Variants in RIMBP2 observed in about 807,000 individuals in gnomAD.
RIMBP2 encodes the protein RIMS-binding protein 2.
RIMBP2 carries 48 observed loss-of-function variants against 118.6 expected under a neutral mutation model. The observed-to-expected ratio is 0.40, with a 90% CI of 0.32 to 0.51. RIMBP2 has a LOEUF of 0.51. Ranked by LOEUF, RIMBP2 falls within the 20% of genes least tolerant of loss-of-function variation. The probability of loss-of-function intolerance (pLI) is 0.41; values close to 1 mark genes in which losing one functional copy is unlikely to be tolerated. For missense variants in RIMBP2, 1,551 were observed against 1,768.3 expected (o/e 0.88, Z 2.20); for synonymous variants, 762 against 742.9 (o/e 1.03, Z -0.42).
intron 2 of RIMBP2, among the ~76,000 whole-genome samples, chr12:130,519,194 G>C (rs2051807459): frequency 6.6e-6 from 1 of 152,184 alleles, no homozygotes; most frequent in Admixed American, 6.5e-5. Context: ...CAGAGTCTAG[G>C]CTCCATTCAC....
chr12:130,526,816 C>A (rs1458682309), intron 2 of RIMBP2, among the ~76,000 whole-genome samples: 1 of 152,058 alleles, frequency 6.6e-6, no homozygotes, highest in Non-Finnish European at 1.5e-5. Flanking sequence ...TAATCTAAGT[C>A]AACACTGGAG....
In RIMBP2 at chr12:130,446,017, G is replaced by GC. The variant is rs1169239476; in HGVS notation, c.582-749dup. Among the ~76,000 whole-genome samples the GC allele has an allele frequency of 2.4e-4, 9 of 37,680 alleles. No individual in the cohort carries two copies. The highest frequency in any genetic ancestry group is 5.1e-4 in the Admixed American group (2 of 3,954). 24.7% of individuals were successfully genotyped at this position (37,680 alleles called of 152,430 possible). A position where few individuals can be genotyped will look rare whatever the true frequency, so the allele number is the denominator to read the frequency against. Reference sequence around the variant, plus strand: ...CAGAAAAACAGACGCATGATTTTATGCTCCCCCCCCCCACACCCCCAGGAA... The same window carrying GC: ...CAGAAAAACAGACGCATGATTTTATGCCTCCCCCCCCCCACACCCCCAGGAA... On this transcript the variant is annotated intron_variant, in intron 9 of 22. Coordinates refer to ENST00000690449, the MANE Select transcript of RIMBP2 (RefSeq NM_001393629.1). The surrounding 1 kb of genome is among the most constrained non-coding windows in gnomAD (Gnocchi z 4.1).
chr12:130,520,281 G>A (rs1040452551), intron 2 of RIMBP2, among the ~76,000 whole-genome samples: 1 of 152,140 alleles, frequency 6.6e-6, no homozygotes, highest in African/African-American at 2.4e-5. Context: ...ACCAACCCAT[G>A]ATATCCCAAT....
At chr12:130,535,525 A>T (rs1049332187) in intron 2 of RIMBP2, among the ~76,000 whole-genome samples, 2 of 151,702 alleles carry the variant, frequency 1.3e-5, no homozygotes, top group African/African-American at 4.8e-5. Context: ...CTCTAAAAAT[A>T]ATAATATTAA....
intron 1 of RIMBP2, among the ~76,000 whole-genome samples, chr12:130,648,192 G>A (rs960641706): frequency 6.9e-6 from 1 of 145,896 alleles, no homozygotes; most frequent in African/African-American, 2.5e-5. Flanking sequence ...ATGAAAAAAT[G>A]TTTCTCACAG....
At chr12:130,568,312 TGCTTCA>T (rs1301305907) in intron 2 of RIMBP2, among the ~76,000 whole-genome samples, 1 of 152,208 alleles carries the variant, frequency 6.6e-6, no homozygotes, top group African/African-American at 2.4e-5. Context: ...GTTTCTCATG[TGCTTCA>T]GCTCCCCAGA....
intron 1 of RIMBP2, among the ~76,000 whole-genome samples, chr12:130,706,766 C>T (rs185408092): frequency 1.3e-5 from 2 of 152,288 alleles, no homozygotes; most frequent in East Asian, 1.9e-4. Flanking sequence ...TCAATGAGGC[C>T]GGCTCTTGTT....
At chr12:130,531,478 C>T (rs746202407) in intron 2 of RIMBP2, among the ~76,000 whole-genome samples, 11 of 152,140 alleles carry the variant, frequency 7.2e-5, no homozygotes, top group South Asian at 2.1e-4. Context: ...TTATCTAGGA[C>T]GCACCCACAT....
intron 2 of RIMBP2, among the ~76,000 whole-genome samples, chr12:130,546,826 T>C (rs998509888): frequency 1.3e-5 from 2 of 152,194 alleles, no homozygotes. Context: ...TCAAAACAAT[T>C]TACATGGAAA....
intron 1 of RIMBP2, among the ~76,000 whole-genome samples, chr12:130,632,578 G>T (rs1305354012): frequency 6.6e-6 from 1 of 152,090 alleles, no homozygotes; most frequent in Non-Finnish European, 1.5e-5. Flanking sequence ...TTTGCTCTGG[G>T]GCCCCTCCTG....
intron 21 of RIMBP2, among the ~76,000 whole-genome samples, chr12:130,405,961 AG>A (rs1300321762): frequency 6.6e-6 from 1 of 152,220 alleles, no homozygotes; most frequent in Non-Finnish European, 1.5e-5. Flanking sequence ...AGTATTAGCA[AG>A]GAAGAAACAA....
intron 4 of RIMBP2, among the ~76,000 whole-genome samples, chr12:130,480,958 T>A (rs1317904024): frequency 1.3e-5 from 2 of 152,222 alleles, no homozygotes; most frequent in Non-Finnish European, 2.9e-5. Flanking sequence ...CCTTCGCAAG[T>A]CATGAGGTCG....
intron 2 of RIMBP2, among the ~76,000 whole-genome samples, chr12:130,559,180 C>T (rs1417723209): frequency 6.6e-6 from 1 of 152,024 alleles, no homozygotes; most frequent in Non-Finnish European, 1.5e-5. Flanking sequence ...GATTTGAAAT[C>T]GACTCTCCTG....
chr12:130,627,797 G>A (rs539804913), intron 2 of RIMBP2, among the ~76,000 whole-genome samples: 18 of 152,224 alleles, frequency 1.2e-4, no homozygotes, highest in African/African-American at 4.3e-4. Flanking sequence ...TGACCCTCAC[G>A]TCCACTACCA....
At chr12:130,636,968 C>T (rs77551297) in intron 1 of RIMBP2, among the ~76,000 whole-genome samples, 2,383 of 152,248 alleles carry the variant, frequency 0.016, 71 homozygotes, top group African/African-American at 0.053. Flanking sequence ...GGTGTCTTGT[C>T]GCCTTGTTCT....
At chr12:130,672,989 G>A (rs2064269470) in intron 1 of RIMBP2, among the ~76,000 whole-genome samples, 1 of 152,066 alleles carries the variant, frequency 6.6e-6, no homozygotes, top group Non-Finnish European at 1.5e-5. Context: ...TCAGGGATTC[G>A]TGCTGCTCCC....
At chr12:130,452,055 C>T (rs1338923318) in intron 7 of RIMBP2, among the ~76,000 whole-genome samples, 1 of 152,168 alleles carries the variant, frequency 6.6e-6, no homozygotes, top group Non-Finnish European at 1.5e-5. Flanking sequence ...CATTGAGCAA[C>T]GTGACTAACG....
chr12:130,642,871 C>T lies in RIMBP2; in HGVS notation c.-351-14415G>A, dbSNP rs377196990. Among the ~76,000 whole-genome samples the T allele has an allele frequency of 6.6e-5, 10 of 152,308 alleles. No homozygotes were observed. In the South Asian group the frequency reaches 1.2e-3, roughly 19 times the overall value. Reference sequence around the variant, plus strand: ...AGGCTGGCTCTGAACGGGTCACGTGCCCTCTCGGCCAGGCCACACTGCCGC... The same window carrying T: ...AGGCTGGCTCTGAACGGGTCACGTGTCCTCTCGGCCAGGCCACACTGCCGC... On this transcript the variant is annotated intron_variant, in intron 1 of 22. Transcript: ENST00000690449.
At position 130,396,233 on chromosome 12, in the gene RIMBP2, TAATA is replaced by T. The variant is rs1448713601; in HGVS notation, c.*1124_*1127del. 1.3e-5 allele frequency: 2 copies of T among 152,778 alleles called. No homozygotes were observed. The highest frequency in any genetic ancestry group is 3.8e-4 in the East Asian group (2 of 5,196). 9.5% of individuals were successfully genotyped at this position (152,778 alleles called of 1,614,324 possible). ...TTAACCACACATGGATTTCCTTTAA[TAATA>T]AATCTACCACATACTATTATATTAC... On this transcript the variant is annotated 3_prime_UTR_variant, in exon 23 of 23. Coordinates refer to ENST00000690449, the MANE Select transcript of RIMBP2 (RefSeq NM_001393629.1).
Sources: allele counts gnomAD v4.1 joint callset (sites outside exome capture counted in the v4.1 genomes callset), GRCh38; gene constraint gnomAD v4.1.1; non-coding constraint Gnocchi (gnomAD v3.1); transcripts MANE v1.5; gene names NCBI Gene and HGNC (gene_info 2026-07-23, HGNC 2026-07-21).